CLVS1: variants seen among roughly 807,000 people sequenced by gnomAD.
The protein encoded by CLVS1 is clavesin 1.
Under a neutral mutation model 33.1 loss-of-function variants are expected in CLVS1, and 10 were observed. That is an observed-to-expected ratio of 0.30 (90% CI 0.19 to 0.51). CLVS1 has a LOEUF of 0.51. Ranked by LOEUF, CLVS1 falls within the 20% of genes least tolerant of loss-of-function variation. The pLI, the probability that CLVS1 is intolerant of heterozygous loss-of-function variation, is 0.97. For synonymous variants in CLVS1, 163 were observed against 166.1 expected, an observed-to-expected ratio of 0.98 and a Z score of 0.14; for missense variants, 343 against 433.4, an observed-to-expected ratio of 0.79 and a Z score of 1.85.
At chr8:61,224,380 G>A (rs930472443) in intron 2 of CLVS1, among the ~76,000 whole-genome samples, 1 of 152,086 alleles carries the variant, frequency 6.6e-6, no homozygotes, top group African/African-American at 2.4e-5. Flanking sequence ...TGTTGATGCT[G>A]TTGTCATTTT....
intron 2 of CLVS1, among the ~76,000 whole-genome samples, chr8:61,254,597 A>G (rs887418859): frequency 6.6e-5 from 10 of 151,838 alleles, no homozygotes; most frequent in Non-Finnish European, 8.8e-5. Context: ...CACTTTGTTT[A>G]CCTACTCAAG....
intron 3 of CLVS1, chr8:61,377,821 G>A (rs1034754915): frequency 2.6e-5 from 4 of 152,234 alleles, no homozygotes; most frequent in African/African-American, 4.8e-5. Flanking sequence ...CCCAGAGGAG[G>A]AGAAGTAGGG....
At position 61,195,941 on chromosome 8, in the gene CLVS1, T is replaced by C. The variant is rs908792117; in HGVS notation, c.-152+64081T>C. Among the ~76,000 whole-genome samples, 11 of 152,278 alleles carry C rather than the reference T, an allele frequency of 7.2e-5. No homozygotes were observed. The South Asian group carries it at 1.2e-3, about 17-fold the overall frequency. On this transcript the variant is annotated intron_variant, in intron 2 of 2. Transcript: ENST00000522621. ...TGTACAATCATTTCTATAGACACTA[T>C]CTTACAGAGTTGTTTTGTGTCTTTG...
intron 2 of CLVS1, among the ~76,000 whole-genome samples, chr8:61,242,633 T>G (rs546459238): frequency 6.6e-6 from 1 of 151,722 alleles, no homozygotes; most frequent in Admixed American, 6.6e-5. Flanking sequence ...CTACAAAAAA[T>G]AAAAAATTAA....
At chr8:61,166,031 G>A (rs372428823) in intron 2 of CLVS1, among the ~76,000 whole-genome samples, 1 of 108,374 alleles carries the variant, frequency 9.2e-6, no homozygotes, top group Non-Finnish European at 1.9e-5. Flanking sequence ...GCATCTAAGC[G>A]TTTTTTTTTT....
chr8:61,264,225 C>G (rs2978490), intron 2 of CLVS1, among the ~76,000 whole-genome samples: 1 of 151,774 alleles, frequency 6.6e-6, no homozygotes, highest in Non-Finnish European at 1.5e-5. Context: ...TTCAATCCCA[C>G]GATGTTAAAT....
At chr8:61,230,416 A>G (rs1016144801) in intron 2 of CLVS1, among the ~76,000 whole-genome samples, 6 of 152,212 alleles carry the variant, frequency 3.9e-5, no homozygotes, top group African/African-American at 1.4e-4. Flanking sequence ...TCTCATCTAT[A>G]AAATGATAAT....
At chr8:60,971,145 C>G in the CLVS1 span, among the ~76,000 whole-genome samples, 4 of 139,162 alleles carry the variant, frequency 2.9e-5, no homozygotes, top group Non-Finnish European at 6.0e-5. Flanking sequence ...GGCACAATCA[C>G]AGCTCACTGC....
At chr8:61,449,265 G>C (rs1301097387) in intron 3 of CLVS1, among the ~76,000 whole-genome samples, 1 of 152,132 alleles carries the variant, frequency 6.6e-6, no homozygotes, top group Non-Finnish European at 1.5e-5. Flanking sequence ...TTAAAGTCTT[G>C]ACTGTCAATT....
At chr8:61,433,144 G>T (rs1379499967) in intron 3 of CLVS1, among the ~76,000 whole-genome samples, 1 of 152,204 alleles carries the variant, frequency 6.6e-6, no homozygotes, top group African/African-American at 2.4e-5. Flanking sequence ...TGTAGAGAAG[G>T]TGTTTCACCA....
At chr8:61,274,571 G>T (rs769056172) in intron 2 of CLVS1, among the ~76,000 whole-genome samples, 5 of 152,056 alleles carry the variant, frequency 3.3e-5, no homozygotes, top group Non-Finnish European at 5.9e-5. Flanking sequence ...AACATGTAGC[G>T]AATCTGAGAT....
chr8:61,349,287 G>A (rs771115407), intron 2 of CLVS1, among the ~76,000 whole-genome samples: 9 of 151,786 alleles, frequency 5.9e-5, no homozygotes, highest in Admixed American at 1.3e-4. Flanking sequence ...AAAAATTATT[G>A]CCCAGACTCA....
chr8:61,207,720 G>C (rs1030789395), intron 2 of CLVS1, among the ~76,000 whole-genome samples: 1 of 152,120 alleles, frequency 6.6e-6, no homozygotes, highest in African/African-American at 2.4e-5. Context: ...TTTGGTAAGG[G>C]GGAAATGATT....
chr8:61,121,786 T>C (rs1805876367), intron 1 of CLVS1, among the ~76,000 whole-genome samples: 1 of 151,910 alleles, frequency 6.6e-6, no homozygotes, highest in Non-Finnish European at 1.5e-5. Flanking sequence ...ATTAATGCAG[T>C]TGGATGTACA....
chr8:61,154,919 G>A (rs897076537), intron 2 of CLVS1, among the ~76,000 whole-genome samples: 1 of 152,268 alleles, frequency 6.6e-6, no homozygotes, highest in East Asian at 1.9e-4. Context: ...AGCTGTCCAG[G>A]CCAGCTGATG....
At position 61,221,513 on chromosome 8, in the gene CLVS1, C is replaced by A. The variant is rs553444193; in HGVS notation, c.-151-78164C>A. ...TATTGATTTGTGTATGTTGAATAAG[C>A]CTTGATCCCAGGGATGAAGCTGACT... On this transcript the variant is annotated intron_variant, in intron 2 of 2. Transcript: ENST00000522621. 2.6e-5 allele frequency among the ~76,000 whole-genome samples: 4 copies of A among 152,224 alleles called. No individual in the cohort carries two copies. The South Asian group carries it at 8.3e-4, about 32-fold the overall frequency.
intron 2 of CLVS1, among the ~76,000 whole-genome samples, chr8:61,181,684 A>G (rs943849080): frequency 2.1e-5 from 3 of 146,216 alleles, no homozygotes; most frequent in African/African-American, 7.5e-5. Flanking sequence ...CCACACATCT[A>G]CAACCATCTG....
At chr8:61,195,139 A>G (rs1487751450) in intron 2 of CLVS1, among the ~76,000 whole-genome samples, 1 of 151,974 alleles carries the variant, frequency 6.6e-6, no homozygotes, top group Non-Finnish European at 1.5e-5. Context: ...ATGTTAGAAA[A>G]AGGAGAGAAA....
the CLVS1 span, among the ~76,000 whole-genome samples, chr8:61,012,658 C>G: frequency 6.6e-6 from 1 of 152,208 alleles, no homozygotes; most frequent in Non-Finnish European, 1.5e-5. Context: ...CTGTGCAGCA[C>G]TGTGTGAGTC....
Sources: allele counts gnomAD v4.1 joint callset (sites outside exome capture counted in the v4.1 genomes callset), GRCh38; gene constraint gnomAD v4.1.1; transcripts MANE v1.5; gene names NCBI Gene and HGNC (gene_info 2026-07-23, HGNC 2026-07-21).